IGSF21: variants seen among roughly 807,000 people sequenced by gnomAD.
The protein encoded by IGSF21 is immunoglobin superfamily member 21.
Under a neutral mutation model 46.8 loss-of-function variants are expected in IGSF21, and 28 were observed. That is an observed-to-expected ratio of 0.60 (90% CI 0.44 to 0.82). The LOEUF (loss-of-function observed/expected upper bound fraction) is 0.82, where lower values mean the gene tolerates loss of function less well. Ranked by LOEUF, IGSF21 falls within the 40% of genes least tolerant of loss-of-function variation. IGSF21 has a pLI of 0.00. For missense variants in IGSF21, 624 were observed against 665.5 expected, an observed-to-expected ratio of 0.94 and a Z score of 0.69; for synonymous variants, 284 against 273.6, an observed-to-expected ratio of 1.04 and a Z score of -0.38.
At chr1:18,220,993 C>T (rs529453778) in intron 1 of IGSF21, among the ~76,000 whole-genome samples, 89 of 152,108 alleles carry the variant, frequency 5.9e-4, no homozygotes, top group Admixed American at 9.8e-4. Context: ...AAGCCAGGGG[C>T]GTGCATATTA....
intron 1 of IGSF21, among the ~76,000 whole-genome samples, chr1:18,131,218 C>T (rs965813142): frequency 6.6e-6 from 1 of 152,174 alleles, no homozygotes; most frequent in Non-Finnish European, 1.5e-5. Flanking sequence ...TTTTTTTCTT[C>T]ACGTGTCTCA....
At chr1:18,296,913 AG>A (rs1302654413) in intron 3 of IGSF21, among the ~76,000 whole-genome samples, 2 of 152,232 alleles carry the variant, frequency 1.3e-5, no homozygotes, top group Non-Finnish European at 2.9e-5. Flanking sequence ...TCACTGGTGC[AG>A]GGAATCTAGA....
Position 18,108,112 on chromosome 1 carries a change from G to A in IGSF21, c.-17G>A. On this transcript the variant is annotated 5_prime_UTR_variant, in exon 1 of 10. Coordinates refer to ENST00000251296, the MANE Select transcript of IGSF21 (RefSeq NM_032880.5). ...CCACCCCCGCCGCCCCGCCACCGCC[G>A]CCAGCTCCCGGGCACCATGCGAACC... 6 of 1,282,162 alleles carry A rather than the reference G, an allele frequency of 4.7e-6. No individual in the cohort carries two copies. The highest frequency in any genetic ancestry group is 3.2e-5 in the South Asian group (2 of 62,312). The allele number at this position is 1,282,162 out of a possible 1,614,324, so 79.4% of individuals were successfully genotyped here. A position where few individuals can be genotyped will look rare whatever the true frequency, so the allele number is the denominator to read the frequency against.
chr1:18,332,368 A>G (rs1228318275), intron 3 of IGSF21, among the ~76,000 whole-genome samples: 1 of 152,094 alleles, frequency 6.6e-6, no homozygotes, highest in African/African-American at 2.4e-5. Flanking sequence ...AACTCCTTTC[A>G]CCTACAAAAG....
chr1:18,182,998 G>T (rs890224260), intron 1 of IGSF21, among the ~76,000 whole-genome samples: 1 of 152,188 alleles, frequency 6.6e-6, no homozygotes, highest in Admixed American at 6.5e-5. Flanking sequence ...TTCACCCGCT[G>T]CAAACTGGCT....
At chr1:18,338,539 G>T (rs376139207) in intron 4 of IGSF21, among the ~76,000 whole-genome samples, 15 of 152,240 alleles carry the variant, frequency 9.9e-5, no homozygotes, top group Non-Finnish European at 2.1e-4. Context: ...ACGGCCCAGG[G>T]CCCACCTGCC....
At chr1:18,205,097 A>T (rs958760188) in intron 1 of IGSF21, among the ~76,000 whole-genome samples, 1 of 151,320 alleles carries the variant, frequency 6.6e-6, no homozygotes, top group African/African-American at 2.4e-5. Context: ...TAAAAAGTTG[A>T]TGGGGAGAGA....
rs980109136 is a variant in IGSF21 at position 18,339,934 on chromosome 1, G to C, written c.424+4924G>C. ...CCCCACTTCTCAAACCCTCTGAAAGGAGCACTGAACTTGGAGTCCAGCAGA... is the reference window on the plus strand; with the variant it reads ...CCCCACTTCTCAAACCCTCTGAAAGCAGCACTGAACTTGGAGTCCAGCAGA... On this transcript the variant is annotated intron_variant, in intron 4 of 9. Transcript: ENST00000251296. 2.6e-5 allele frequency among the ~76,000 whole-genome samples: 4 copies of C among 152,080 alleles called. No individual in the cohort carries two copies. The East Asian group carries it at 7.7e-4, about 29-fold the overall frequency.
intron 1 of IGSF21, among the ~76,000 whole-genome samples, chr1:18,157,548 G>A (rs1449008221): frequency 1.3e-5 from 2 of 152,174 alleles, no homozygotes; most frequent in African/African-American, 4.8e-5. Flanking sequence ...CATCTCTGTG[G>A]TCACCATCGT....
chr1:18,201,007 A>G (rs1160629853), intron 1 of IGSF21, among the ~76,000 whole-genome samples: 1 of 152,186 alleles, frequency 6.6e-6, no homozygotes, highest in African/African-American at 2.4e-5. Context: ...CACTAGGGAG[A>G]TAAGCATTTA....
chr1:18,225,081 TCTCTCACACACACA>T (rs1349211703), intron 1 of IGSF21, among the ~76,000 whole-genome samples: 1 of 31,136 alleles, frequency 3.2e-5, no homozygotes, highest in Non-Finnish European at 1.1e-4. Context: ...TCTCTCTCTC[TCTCTCACACACACA>T]CACACACACA....
intron 1 of IGSF21, among the ~76,000 whole-genome samples, chr1:18,157,265 G>C (rs548031064): frequency 6.6e-6 from 1 of 152,336 alleles, no homozygotes; most frequent in Non-Finnish European, 1.5e-5. Flanking sequence ...GGGGCTTCTA[G>C]CTCTTTCTTT....
chr1:18,149,199 TGCTGGGACATGG>T (rs2086498514), intron 1 of IGSF21, among the ~76,000 whole-genome samples: 1 of 152,024 alleles, frequency 6.6e-6, no homozygotes, highest in South Asian at 2.1e-4. Context: ...TGCTGGCCAA[TGCTGGGACATGG>T]GCCAGCAGCC....
Position 18,294,072 on chromosome 1 carries a change from C to T in IGSF21, c.305+2085C>T, listed in dbSNP as rs550606656. On this transcript the variant is annotated intron_variant, in intron 3 of 9. Transcript: ENST00000251296. Reference sequence around the variant, plus strand: ...TGTAGAGCAGACTTGACATGACAGGCTTTGTACAATTGTGGAATTTCAGTG... The same window carrying T: ...TGTAGAGCAGACTTGACATGACAGGTTTTGTACAATTGTGGAATTTCAGTG... 2.0e-5 allele frequency among the ~76,000 whole-genome samples: 3 copies of T among 152,342 alleles called. No homozygotes were observed. In the South Asian group the frequency reaches 6.2e-4, roughly 32 times the overall value.
chr1:18,276,463 G>A (rs1241193206), intron 2 of IGSF21, among the ~76,000 whole-genome samples: 1 of 152,110 alleles, frequency 6.6e-6, no homozygotes, highest in Non-Finnish European at 1.5e-5. Flanking sequence ...CTAAGGCTTG[G>A]GCTTGGAGAT....
At chr1:18,126,919 G>A (rs1469693194) in intron 1 of IGSF21, among the ~76,000 whole-genome samples, 1 of 152,094 alleles carries the variant, frequency 6.6e-6, no homozygotes. Flanking sequence ...GGTGGGGACA[G>A]ATTGGGGAAT....
At chr1:18,160,106 G>A (rs1570279746) in intron 1 of IGSF21, among the ~76,000 whole-genome samples, 1 of 152,286 alleles carries the variant, frequency 6.6e-6, no homozygotes, top group South Asian at 2.1e-4. Flanking sequence ...CCCTAGGATG[G>A]GCAGAGTGGT....
intron 1 of IGSF21, among the ~76,000 whole-genome samples, chr1:18,186,955 A>G (rs1280818162): frequency 1.3e-5 from 2 of 152,108 alleles, no homozygotes; most frequent in Non-Finnish European, 2.9e-5. Flanking sequence ...CAACACACTT[A>G]TTTTTGTAAC....
intron 2 of IGSF21, among the ~76,000 whole-genome samples, chr1:18,270,427 C>T (rs552362730): frequency 3.9e-4 from 60 of 152,346 alleles, no homozygotes; most frequent in Non-Finnish European, 6.6e-4. Context: ...TGCCAACACT[C>T]GGCATCTGGT....
Sources: allele counts gnomAD v4.1 joint callset (sites outside exome capture counted in the v4.1 genomes callset), GRCh38; gene constraint gnomAD v4.1.1; transcripts MANE v1.5; gene names NCBI Gene and HGNC (gene_info 2026-07-23, HGNC 2026-07-21).